CNIH3: variants seen among roughly 807,000 people sequenced by gnomAD.
CNIH3 encodes cornichon family AMPA receptor auxiliary protein 3, also known as protein cornichon homolog 3.
CNIH3 carries 14 observed loss-of-function variants against 24.1 expected under a neutral mutation model. The ratio of observed to expected loss-of-function variants is 0.58; its 90% CI spans 0.38 to 0.91. The LOEUF is 0.91. CNIH3 is among the 40% of genes least tolerant of loss of function. CNIH3 has a pLI of 0.00. For missense variants in CNIH3, 178 were observed against 196.8 expected (o/e 0.90, Z 0.57); for synonymous variants, 68 against 73.8 (o/e 0.92, Z 0.40).
intron 5 of CNIH3, among the ~76,000 whole-genome samples, 160 bp downstream of exon 5, chr1:224,734,866 G>C (rs957530284): frequency 3.3e-5 from 5 of 152,216 alleles, no homozygotes; most frequent in African/African-American, 1.2e-4. Context: ...TCAGGAGCAA[G>C]GGCTTCTGTA....
chr1:224,503,320 G>T (rs1572373664), intron 1 of CNIH3, among the ~76,000 whole-genome samples: 1 of 152,142 alleles, frequency 6.6e-6, no homozygotes, highest in East Asian at 1.9e-4. Flanking sequence ...TCCCTTGTCG[G>T]TCTTTTGGCC....
intron 3 of CNIH3, among the ~76,000 whole-genome samples, chr1:224,702,166 A>G (rs1304102540): frequency 6.6e-6 from 1 of 152,172 alleles, no homozygotes; most frequent in African/African-American, 2.4e-5. Flanking sequence ...ACATACCATT[A>G]CATCACCGAT....
At chr1:224,708,493 T>C (rs1020012963) in intron 3 of CNIH3, among the ~76,000 whole-genome samples, 11 of 152,218 alleles carry the variant, frequency 7.2e-5, no homozygotes, top group Non-Finnish European at 1.5e-4. Flanking sequence ...AAGAGTCCCT[T>C]GCACTCCCCG....
At chr1:224,522,318 C>T (rs1472241039) in intron 2 of CNIH3, among the ~76,000 whole-genome samples, 1 of 152,182 alleles carries the variant, frequency 6.6e-6, no homozygotes, top group African/African-American at 2.4e-5. Context: ...TTCTCTGTTA[C>T]ATGATGAAAC....
intron 3 of CNIH3, among the ~76,000 whole-genome samples, chr1:224,610,650 C>A (rs1032174989): frequency 1.3e-5 from 2 of 152,178 alleles, no homozygotes; most frequent in African/African-American, 2.4e-5. Flanking sequence ...CAGACTAATG[C>A]AAACTGTATT....
upstream of CNIH3, among the ~76,000 whole-genome samples, chr1:224,612,160 T>C (rs916401892): frequency 2.6e-5 from 4 of 152,192 alleles, no homozygotes; most frequent in Non-Finnish European, 5.9e-5. This position sits in a 1 kb window ranked among gnomAD's most constrained non-coding sequence, Gnocchi z 4.7. Flanking sequence ...TTCAGACCGG[T>C]TCTCCCACTG....
rs1197064045 is a variant in CNIH3 at position 224,559,548 on chromosome 1, A to C, written n.451-6651A>C. Among the ~76,000 whole-genome samples, 7 of 152,036 alleles carry C rather than the reference A, an allele frequency of 4.6e-5. No homozygotes were observed. The East Asian group carries it at 1.4e-3, about 29-fold the overall frequency. On this transcript the variant is annotated intron_variant and non_coding_transcript_variant, in intron 3 of 5. Transcript: ENST00000471578. ...ACTGGCTAGTGTTTTTATTTTTAAA[A>C]TTTTTGTAGAGATGGGGTGTCACTG... is the stretch of plus-strand genomic sequence containing the variant.
chr1:224,651,666 A>G (rs1358802633), intron 1 of CNIH3, among the ~76,000 whole-genome samples: 1 of 152,152 alleles, frequency 6.6e-6, no homozygotes, highest in Non-Finnish European at 1.5e-5. Context: ...CTCTGAGTTA[A>G]TCGGTAAAGG....
At chr1:224,518,514 T>TA (rs1473796410) in intron 1 of CNIH3, among the ~76,000 whole-genome samples, 1 of 151,776 alleles carries the variant, frequency 6.6e-6, no homozygotes, top group Non-Finnish European at 1.5e-5. Flanking sequence ...TTTTTTTTTT[T>TA]AGAGACAGGG....
chr1:224,496,383 G>A (rs1171176690), intron 1 of CNIH3, among the ~76,000 whole-genome samples: 1 of 152,186 alleles, frequency 6.6e-6, no homozygotes, highest in Non-Finnish European at 1.5e-5. Flanking sequence ...CCTAACTAGT[G>A]TTGCTGATGA....
At chr1:224,715,013 T>C (rs1688353215) in intron 3 of CNIH3, among the ~76,000 whole-genome samples, 1 of 152,222 alleles carries the variant, frequency 6.6e-6, no homozygotes, top group Non-Finnish European at 1.5e-5. Flanking sequence ...GCTCATCTAA[T>C]AATGCCTTCT....
At chr1:224,499,083 G>A (rs1193716738) in intron 1 of CNIH3, among the ~76,000 whole-genome samples, 3 of 152,166 alleles carry the variant, frequency 2.0e-5, no homozygotes, top group Non-Finnish European at 4.4e-5. Flanking sequence ...ACAAACTTTT[G>A]GTAGTGAAGA....
intron 3 of CNIH3, among the ~76,000 whole-genome samples, chr1:224,606,781 C>T (rs1041372664): frequency 6.6e-6 from 1 of 152,078 alleles, no homozygotes; most frequent in Non-Finnish European, 1.5e-5. Flanking sequence ...CAGGAGGAAC[C>T]TGTTGGGCAG....
At chr1:224,607,675 A>C (rs1682491029) in intron 3 of CNIH3, among the ~76,000 whole-genome samples, 1 of 152,196 alleles carries the variant, frequency 6.6e-6, no homozygotes. Flanking sequence ...TAAGTGGTTA[A>C]TTTGCATTGT....
chr1:224,657,702 A>G (rs1257958687), intron 1 of CNIH3, among the ~76,000 whole-genome samples: 1 of 152,190 alleles, frequency 6.6e-6, no homozygotes, highest in Non-Finnish European at 1.5e-5. Flanking sequence ...TCTCTAATCC[A>G]GTGGCACAAT....
At chr1:224,583,027 A>G (rs1447514475) in intron 4 of CNIH3, 2 of 152,250 alleles carry the variant, frequency 1.3e-5, no homozygotes, top group African/African-American at 4.8e-5. Context: ...AGTGGACTCC[A>G]TAAGTGGATT....
At chr1:224,620,252 G>C (rs1357018046) in intron 1 of CNIH3, among the ~76,000 whole-genome samples, 1 of 152,230 alleles carries the variant, frequency 6.6e-6, no homozygotes, top group African/African-American at 2.4e-5. Flanking sequence ...CAGCCCTTTA[G>C]TCCTCATAAC....
intron 3 of CNIH3, among the ~76,000 whole-genome samples, chr1:224,686,444 G>T (rs1310008366): frequency 6.6e-6 from 1 of 152,080 alleles, no homozygotes; most frequent in Non-Finnish European, 1.5e-5. Context: ...CTTTGCTATT[G>T]TGAATAGTGC....
intron 2 of CNIH3, among the ~76,000 whole-genome samples, chr1:224,527,033 G>A (rs1251480134): frequency 6.6e-6 from 1 of 152,156 alleles, no homozygotes; most frequent in South Asian, 2.1e-4. Flanking sequence ...TCCAACATTG[G>A]GGATTATATT....
Sources: gnomAD v4.1 joint callset for allele counts (sites outside exome capture counted in the v4.1 genomes callset) on GRCh38, gnomAD v4.1.1 for gene constraint, Gnocchi (gnomAD v3.1) non-coding constraint, MANE v1.5 for transcripts, NCBI Gene and HGNC (gene_info 2026-07-23, HGNC 2026-07-21) for gene names.